The following AP3B1 variants were observed in gnomAD, a reference collection of about 807,000 sequenced individuals.
AP3B1 encodes the protein AP-3 complex subunit beta-1.
Under a neutral mutation model 132.5 loss-of-function variants are expected in AP3B1, and 61 were observed. That is an observed-to-expected ratio of 0.46 (90% CI 0.37 to 0.57). The LOEUF (loss-of-function observed/expected upper bound fraction) is 0.57, where lower values mean the gene tolerates loss of function less well. Ranked by LOEUF, AP3B1 falls within the 20% of genes least tolerant of loss-of-function variation. AP3B1 has a pLI of 0.00. For missense variants in AP3B1, 1,120 were observed against 1,289.4 expected (o/e 0.87, Z 2.01); for synonymous variants, 388 against 438.3 (o/e 0.89, Z 1.43).
At chr5:78,022,037 C>G (rs576894037) in intron 24 of AP3B1, among the ~76,000 whole-genome samples, 5 of 152,074 alleles carry the variant, frequency 3.3e-5, no homozygotes, top group Non-Finnish European at 5.9e-5. Flanking sequence ...TGTGTGGGTA[C>G]AGACAAATGA....
intron 15 of AP3B1, among the ~76,000 whole-genome samples, chr5:78,135,026 G>A (rs940689625): frequency 6.6e-6 from 1 of 152,174 alleles, no homozygotes; most frequent in Non-Finnish European, 1.5e-5. Context: ...GGATAGAGAT[G>A]TCACTTCAGA....
At chr5:78,217,882 GTTA>G (rs1746026027) in intron 6 of AP3B1, among the ~76,000 whole-genome samples, 1 of 151,904 alleles carries the variant, frequency 6.6e-6, no homozygotes, top group Non-Finnish European at 1.5e-5. Context: ...GTAAAATCAA[GTTA>G]TTCTGTCTTA....
intron 21 of AP3B1, among the ~76,000 whole-genome samples, chr5:78,091,484 G>C (rs1326105232): frequency 3.3e-5 from 5 of 152,102 alleles, no homozygotes; most frequent in Admixed American, 2.6e-4. Context: ...GGCTTCCTTA[G>C]ACCCACACTG....
At chr5:78,195,500 C>T (rs1051830177) in intron 7 of AP3B1, among the ~76,000 whole-genome samples, 8 of 152,118 alleles carry the variant, frequency 5.3e-5, no homozygotes, top group Admixed American at 4.6e-4. Flanking sequence ...AAAAGATAGT[C>T]GTTCAACAAA....
chr5:78,049,708 A>G (rs1158424939), intron 22 of AP3B1, among the ~76,000 whole-genome samples: 1 of 152,166 alleles, frequency 6.6e-6, no homozygotes, highest in Admixed American at 6.5e-5. Flanking sequence ...TTATTCCAAC[A>G]GCCTCCTAAT....
chr5:78,129,738 G>A (rs1417590862), intron 15 of AP3B1, among the ~76,000 whole-genome samples: 4 of 152,110 alleles, frequency 2.6e-5, no homozygotes, highest in Non-Finnish European at 4.4e-5. Context: ...TTCTCCTGAG[G>A]TGTGTTTTAT....
chr5:78,280,385 G>A (rs867513653), intron 1 of AP3B1, among the ~76,000 whole-genome samples: 1 of 152,090 alleles, frequency 6.6e-6, no homozygotes, highest in South Asian at 2.1e-4. Flanking sequence ...AGATTCATCA[G>A]CTCAAAATTA....
intron 2 of AP3B1, among the ~76,000 whole-genome samples, chr5:78,246,352 G>T (rs1747379877): frequency 6.6e-6 from 1 of 152,102 alleles, no homozygotes; most frequent in Non-Finnish European, 1.5e-5. Flanking sequence ...TGAGGGAGAT[G>T]GACATAATTT....
intron 20 of AP3B1, among the ~76,000 whole-genome samples, chr5:78,108,674 T>A (rs1466102016): frequency 6.6e-6 from 1 of 152,170 alleles, no homozygotes; most frequent in African/African-American, 2.4e-5. Context: ...TTTTTAACTA[T>A]CAAGAGATTT....
At chr5:78,135,458 C>A (rs1471680585) in intron 15 of AP3B1, among the ~76,000 whole-genome samples, 1 of 151,930 alleles carries the variant, frequency 6.6e-6, no homozygotes, top group Admixed American at 6.5e-5. Context: ...TGAAACACAC[C>A]AACAAGGTGG....
At chr5:78,013,459 T>C (rs75127464) in intron 26 of AP3B1, among the ~76,000 whole-genome samples, 5,452 of 152,246 alleles carry the variant, frequency 0.036, 330 homozygotes, top group African/African-American at 0.12. Flanking sequence ...CTAAACTAGA[T>C]GTTCCAGCAT....
chr5:78,137,736 A>G (rs1184541033), intron 15 of AP3B1, among the ~76,000 whole-genome samples: 1 of 152,176 alleles, frequency 6.6e-6, no homozygotes, highest in Non-Finnish European at 1.5e-5. Context: ...TATACTCAAA[A>G]CAGACTGCTA....
At chr5:78,225,170 T>C (rs1746353160) in intron 6 of AP3B1, among the ~76,000 whole-genome samples, 1 of 152,090 alleles carries the variant, frequency 6.6e-6, no homozygotes, top group South Asian at 2.1e-4. Flanking sequence ...TTTTCCTCAG[T>C]AGTTTTGAGA....
chr5:78,258,139 C>A (rs918897537), intron 2 of AP3B1, among the ~76,000 whole-genome samples: 7 of 152,286 alleles, frequency 4.6e-5, no homozygotes, highest in Non-Finnish European at 8.8e-5. Context: ...GCACAGGCAA[C>A]CAAAGCACAA....
At chr5:78,110,851 C>T (rs779825585) in intron 19 of AP3B1, among the ~76,000 whole-genome samples, 3 of 151,212 alleles carry the variant, frequency 2.0e-5, no homozygotes, top group Admixed American at 6.6e-5. Flanking sequence ...CTTGACCTCC[C>T]GGGCTCAAGC....
intron 11 of AP3B1, among the ~76,000 whole-genome samples, chr5:78,174,037 T>A (rs1744038295): frequency 6.6e-6 from 1 of 152,172 alleles, no homozygotes; most frequent in Non-Finnish European, 1.5e-5. Context: ...TTCCAACAGG[T>A]CATTTAAGGT....
intron 21 of AP3B1, 137 bp from the exon 22 acceptor site, chr5:78,089,636 T>C: frequency 1.4e-6 from 1 of 700,488 alleles, no homozygotes; most frequent in Non-Finnish European, 2.6e-6. Flanking sequence ...TTTAACATCT[T>C]GATTTAGTCA....
chr5:78,237,702 G>A (rs1580527838), intron 3 of AP3B1, among the ~76,000 whole-genome samples: 1 of 151,968 alleles, frequency 6.6e-6, no homozygotes, highest in African/African-American at 2.4e-5. Context: ...AATCCCAGCT[G>A]CTCGGGAGGC....
intron 14 of AP3B1, among the ~76,000 whole-genome samples, chr5:78,142,752 T>G (rs1370217750): frequency 1.3e-5 from 2 of 152,188 alleles, no homozygotes; most frequent in Non-Finnish European, 2.9e-5. Flanking sequence ...AATTATTATT[T>G]AGCATGTTTG....
Sources: gnomAD v4.1 joint callset for allele counts (sites outside exome capture counted in the v4.1 genomes callset) on GRCh38, gnomAD v4.1.1 for gene constraint, MANE v1.5 for transcripts, NCBI Gene and HGNC (gene_info 2026-07-23, HGNC 2026-07-21) for gene names.